Variants in RAB11FIP4 observed in about 807,000 individuals in gnomAD.
RAB11FIP4 encodes RAB11 family interacting protein 4.
A neutral mutation model predicts 74.3 loss-of-function variants in RAB11FIP4; 23 were observed. That is an observed-to-expected ratio of 0.31 (90% CI 0.22 to 0.44). The LOEUF is 0.44. Ranked by LOEUF, RAB11FIP4 falls within the 20% of genes least tolerant of loss-of-function variation. The pLI is 1.00. For missense variants in RAB11FIP4, 630 were observed against 863.9 expected (o/e 0.73, Z 3.39); for synonymous variants, 360 against 359.9 (o/e 1.00, Z 0.00).
At chr17:31,496,463 G>A (rs1365913549) in intron 3 of RAB11FIP4, among the ~76,000 whole-genome samples, 1 of 152,190 alleles carries the variant, frequency 6.6e-6, no homozygotes, top group Admixed American at 6.5e-5. Context: ...CCTTCCCAAG[G>A]GAGCAGAGGG....
chr17:31,461,597 T>C (rs2071634321), intron 3 of RAB11FIP4, among the ~76,000 whole-genome samples: 1 of 152,162 alleles, frequency 6.6e-6, no homozygotes, highest in Admixed American at 6.6e-5. Flanking sequence ...CCTAGTGTGG[T>C]CCATGGACTC....
chr17:31,431,981 C>T, intron 2 of RAB11FIP4, 81 bp downstream of exon 2: 1 of 1,085,976 alleles, frequency 9.2e-7, no homozygotes, highest in South Asian at 1.4e-5. Context: ...GGGGCCCAGC[C>T]TGGATTCCTC....
chr17:31,417,930 C>A (rs796488405), intron 1 of RAB11FIP4, among the ~76,000 whole-genome samples: 14 of 152,212 alleles, frequency 9.2e-5, no homozygotes, highest in African/African-American at 2.9e-4. Context: ...GAGACCCCAT[C>A]TCTACAAAAA....
At chr17:31,500,794 G>A (rs999126704) in intron 3 of RAB11FIP4, among the ~76,000 whole-genome samples, 29 of 152,192 alleles carry the variant, frequency 1.9e-4, no homozygotes, top group African/African-American at 6.8e-4. Flanking sequence ...GGAGGCTGAG[G>A]CGGGCAGATC....
At chr17:31,443,128 C>T (rs902180316) in intron 3 of RAB11FIP4, among the ~76,000 whole-genome samples, 1 of 152,146 alleles carries the variant, frequency 6.6e-6, no homozygotes, top group African/African-American at 2.4e-5. Flanking sequence ...AAAATTAGAA[C>T]CCCTCTTTTG....
chr17:31,495,369 T>A (rs2072095348), intron 3 of RAB11FIP4, among the ~76,000 whole-genome samples: 1 of 109,256 alleles, frequency 9.2e-6, no homozygotes, highest in African/African-American at 1.3e-4. Context: ...TTGACTGATT[T>A]TTTTTTTTTT....
chr17:31,453,530 G>A (rs754977997), intron 3 of RAB11FIP4, among the ~76,000 whole-genome samples: 1 of 151,928 alleles, frequency 6.6e-6, no homozygotes, highest in African/African-American at 2.4e-5. Context: ...GTTGTAACTC[G>A]TGTCTTCCTC....
intron 1 of RAB11FIP4, 139 bp from the exon 2 acceptor site, chr17:31,431,674 T>C (rs1597913279): frequency 2.9e-6 from 2 of 686,716 alleles, no homozygotes; most frequent in Non-Finnish European, 5.1e-6. Context: ...CCATGGCTGA[T>C]ACTGACCCCA....
chr17:31,445,560 ATATATATATATATATATATT>A (rs2071448998), intron 3 of RAB11FIP4, among the ~76,000 whole-genome samples: 5 of 14,472 alleles, frequency 3.5e-4, no homozygotes, highest in East Asian at 2.1e-3. Flanking sequence ...ATATATATAT[ATATATATATATATATATATT>A]TTTTTTTTTT....
chr17:31,526,186 G>A (rs968038489), intron 10 of RAB11FIP4: 6 of 152,224 alleles, frequency 3.9e-5, no homozygotes, highest in Non-Finnish European at 7.3e-5. Context: ...CTGGAGGCTG[G>A]TGCCTAGTTA....
intron 1 of RAB11FIP4, among the ~76,000 whole-genome samples, chr17:31,416,507 G>A (rs2071149422): frequency 6.6e-6 from 1 of 152,224 alleles, no homozygotes; most frequent in Admixed American, 6.5e-5. Context: ...GAGAGGGCCA[G>A]TGGCGGCCTG....
Position 31,517,725 on chromosome 17 carries a change from C to G in RAB11FIP4, c.411C>G (p.Asp137Glu), listed in dbSNP as rs1460770398. 6.9e-6 allele frequency: 11 copies of G among 1,601,236 alleles called. No homozygotes were observed. Among genetic ancestry groups the G allele is most frequent in the South Asian group, 5.7e-5 (5 of 87,930 alleles). ...GGGAACCCGGCTTTTTTCCCGAGGA[C>G]GAGGAGGAGGCTATGACGCTGGCGC... is the stretch of plus-strand genomic sequence containing the variant. ...IPREPGFFPE[D>E]EEEAMTLAPP... is the part of the protein sequence containing the mutation. The change falls in exon 4 of 15, where the codon GAC becomes GAG. Residue 137 changes from aspartate (D) to glutamate (E), a missense_variant. Asp to Glu is a conservative substitution (Grantham distance 45, BLOSUM62 2). Coordinates refer to ENST00000621161, the MANE Select transcript of RAB11FIP4 (RefSeq NM_032932.6).
intron 3 of RAB11FIP4, among the ~76,000 whole-genome samples, chr17:31,475,479 G>A (rs908586323): frequency 4.6e-5 from 7 of 152,316 alleles, no homozygotes; most frequent in Non-Finnish European, 7.3e-5. Context: ...AGCATTCGTC[G>A]TGCATTCTTT....
rs1452943038 is a variant in RAB11FIP4 at position 31,528,466 on chromosome 17, G to A, written c.1417G>A (p.Asp473Asn). 2 of 1,613,660 alleles carry A rather than the reference G, an allele frequency of 1.2e-6. No homozygotes were observed. Among genetic ancestry groups the A allele is most frequent in the Non-Finnish European group, 1.7e-6 (2 of 1,180,040 alleles). Residue 473 changes from aspartate to asparagine, a missense_variant, in exon 12 of 15, where the codon GAC (aspartate) becomes AAC (asparagine). Asp to Asn is a conservative substitution (Grantham distance 23). Transcript: ENST00000621161. ...CAGCCTGCGGCTCAAAGATGAGATGGACCTGTACAAGCGCATGATGGACAA... is the reference window on the plus strand; with the variant it reads ...CAGCCTGCGGCTCAAAGATGAGATGAACCTGTACAAGCGCATGATGGACAA... ...DTSLRLKDEM[D>N]LYKRMMDKLR...
At chr17:31,401,381 G>T (rs2151614797) in intron 1 of RAB11FIP4, among the ~76,000 whole-genome samples, 1 of 152,292 alleles carries the variant, frequency 6.6e-6, no homozygotes, top group South Asian at 2.1e-4. Context: ...TGTCACCCCT[G>T]AGGTCACTGC....
At chr17:31,399,039 GGGTGTTCACA>G (rs2070959158) in intron 1 of RAB11FIP4, among the ~76,000 whole-genome samples, 1 of 152,166 alleles carries the variant, frequency 6.6e-6, no homozygotes, top group East Asian at 1.9e-4. Context: ...GCAGGAATAG[GGGTGTTCACA>G]GGTCCACATG....
At chr17:31,430,734 C>A (rs777856204) in intron 1 of RAB11FIP4, among the ~76,000 whole-genome samples, 53 of 151,988 alleles carry the variant, frequency 3.5e-4, no homozygotes, top group Non-Finnish European at 5.7e-4. Flanking sequence ...GTGACACGAT[C>A]CAGTTAGACT....
intron 1 of RAB11FIP4, chr17:31,392,747 G>A (rs8074165): frequency 0.079 from 11,976 of 152,406 alleles, 1,144 homozygotes; most frequent in African/African-American, 0.23. Context: ...TAGGGTGGAC[G>A]GAGTCATATC....
intron 13 of RAB11FIP4, 28 bp downstream of exon 13, chr17:31,528,806 G>A (rs1284822885): frequency 6.9e-6 from 11 of 1,588,930 alleles, no homozygotes; most frequent in Middle Eastern, 2.3e-4. Context: ...TGTGTCCAGT[G>A]GGGCAGGGTG....
Sources: gnomAD v4.1 joint callset for allele counts (sites outside exome capture counted in the v4.1 genomes callset) on GRCh38, gnomAD v4.1.1 for gene constraint, MANE v1.5 for transcripts, NCBI Gene and HGNC (gene_info 2026-07-23, HGNC 2026-07-21) for gene names.